The following PCDH15 variants were observed in gnomAD, a reference collection of about 807,000 sequenced individuals.
PCDH15 encodes the protein protocadherin-15.
In PCDH15, 129 loss-of-function variants were observed where a neutral mutation model predicts 178.5. The ratio of observed to expected loss-of-function variants is 0.72; its 90% CI spans 0.63 to 0.84. The LOEUF is 0.84. PCDH15 is among the 40% of genes least tolerant of loss of function. The pLI is 0.00. For missense variants in PCDH15, 2,230 were observed against 2,099.9 expected, an observed-to-expected ratio of 1.06 and a Z score of -1.21; for synonymous variants, 800 against 732.0, an observed-to-expected ratio of 1.09 and a Z score of -1.50.
intron 3 of PCDH15, among the ~76,000 whole-genome samples, chr10:54,390,281 AC>A (rs1950390504): frequency 1.2e-5 from 1 of 85,478 alleles, no homozygotes; most frequent in East Asian, 5.7e-4. Context: ...AATGACCTAT[AC>A]CTTTTGTTTT....
At chr10:54,277,806 T>C (rs1037644528) in intron 8 of PCDH15, among the ~76,000 whole-genome samples, 1 of 151,458 alleles carries the variant, frequency 6.6e-6, no homozygotes, top group Non-Finnish European at 1.5e-5. Context: ...AATTTGGAAG[T>C]AGAGGTGACC....
intron 2 of PCDH15, among the ~76,000 whole-genome samples, chr10:55,487,963 G>C (rs1589074504): frequency 1.3e-5 from 2 of 151,544 alleles, no homozygotes; most frequent in African/African-American, 2.4e-5. Flanking sequence ...ATTTTAGAGA[G>C]AGAATGGTTA....
At chr10:55,547,809 C>G (rs1427866810) in intron 2 of PCDH15, among the ~76,000 whole-genome samples, 1 of 151,404 alleles carries the variant, frequency 6.6e-6, no homozygotes, top group Non-Finnish European at 1.5e-5. Context: ...AAGCCAGTCA[C>G]CTTGTGTGTA....
chr10:54,432,924 T>C (rs946954338), intron 3 of PCDH15, among the ~76,000 whole-genome samples: 1 of 152,052 alleles, frequency 6.6e-6, no homozygotes, highest in Non-Finnish European at 1.5e-5. Context: ...CAAATAGACA[T>C]TTCTCAAAAG....
At chr10:55,149,669 A>G (rs76381524) in intron 2 of PCDH15, among the ~76,000 whole-genome samples, 2,926 of 143,578 alleles carry the variant, frequency 0.02, 168 homozygotes, top group Admixed American at 0.12. Flanking sequence ...AGTCGTTTTC[A>G]GGTTTTCACC....
Position 55,385,304 on chromosome 10 carries a change from G to A in PCDH15, c.-155-218653C>T, listed in dbSNP as rs112847140. Among the ~76,000 whole-genome samples, 412 of 152,206 alleles carry A rather than the reference G, an allele frequency of 2.7e-3. 2 individuals carry two copies. Among genetic ancestry groups the A allele is most frequent in the African/African-American group, 9.2e-3 (383 of 41,556 alleles). On this transcript the variant is annotated intron_variant, in intron 2 of 5. Coordinates refer to the PCDH15 transcript ENST00000613346. ...CAAGATAGTCACATGGAGAGGTCAC[G>A]TGGAAGGACAGATTACCAATGGAAA...
chr10:54,902,120 C>T (rs1026899394), intron 2 of PCDH15, among the ~76,000 whole-genome samples: 5 of 152,170 alleles, frequency 3.3e-5, no homozygotes, highest in African/African-American at 4.8e-5. Context: ...ATGACTGTCT[C>T]ATTTATATTC....
chr10:53,996,916 T>A (rs7475601), intron 20 of PCDH15, among the ~76,000 whole-genome samples: 3,448 of 152,232 alleles, frequency 0.023, 92 homozygotes, highest in African/African-American at 0.063. Context: ...AAATTCTACA[T>A]ATTCTTTGAT....
At chr10:54,597,060 A>C (rs1010196484) in intron 2 of PCDH15, among the ~76,000 whole-genome samples, 1 of 152,176 alleles carries the variant, frequency 6.6e-6, no homozygotes, top group Non-Finnish European at 1.5e-5. Flanking sequence ...ATTAACAAAA[A>C]TAATCAGAAC....
chr10:54,655,304 C>CAGAGAG (rs1213808096), intron 2 of PCDH15, among the ~76,000 whole-genome samples: 1,875 of 80,550 alleles, frequency 0.023, 39 homozygotes, highest in Non-Finnish European at 0.03. Context: ...GAGAGAGAGA[C>CAGAGAG]AGAGAGAGAG....
chr10:55,514,664 G>A (rs976473512), intron 2 of PCDH15, among the ~76,000 whole-genome samples: 6 of 152,278 alleles, frequency 3.9e-5, no homozygotes, highest in Non-Finnish European at 8.8e-5. Flanking sequence ...CTCTGAGCAC[G>A]TATTGTGTCC....
intron 2 of PCDH15, among the ~76,000 whole-genome samples, chr10:55,117,879 C>G (rs910704396): frequency 6.6e-6 from 1 of 152,060 alleles, no homozygotes; most frequent in Non-Finnish European, 1.5e-5. Context: ...TAAATTAGAT[C>G]TAAGCGGAAA....
chr10:54,343,949 AATG>A (rs199853337), intron 6 of PCDH15, among the ~76,000 whole-genome samples: 3,104 of 152,210 alleles, frequency 0.02, 98 homozygotes, highest in African/African-American at 0.063. Context: ...GCTTTATTGA[AATG>A]TTATTATTTT....
At chr10:55,051,858 G>A (rs781767422) in intron 2 of PCDH15, among the ~76,000 whole-genome samples, 27 of 152,248 alleles carry the variant, frequency 1.8e-4, no homozygotes, top group South Asian at 4.1e-4. Flanking sequence ...CACACAGCCA[G>A]AATACTTGGG....
intron 2 of PCDH15, among the ~76,000 whole-genome samples, chr10:55,144,267 TG>T (rs1838435741): frequency 1.4e-5 from 2 of 140,186 alleles, no homozygotes; most frequent in Non-Finnish European, 1.6e-5. Flanking sequence ...GTATTACGGC[TG>T]AGAAAAAAAA....
intron 2 of PCDH15, among the ~76,000 whole-genome samples, chr10:55,113,118 G>A (rs191882633): frequency 3.5e-4 from 54 of 152,242 alleles, no homozygotes; most frequent in Non-Finnish European, 6.5e-4. Context: ...CTCCAAAACT[G>A]TGAGAAATAA....
chr10:54,378,070 C>T (rs1036344165), intron 4 of PCDH15, among the ~76,000 whole-genome samples: 5 of 151,886 alleles, frequency 3.3e-5, no homozygotes, highest in South Asian at 2.1e-4. Context: ...ACTACAGGCA[C>T]GTGTTACCAT....
In PCDH15 at chr10:53,827,550, T is replaced by G; in HGVS notation, c.4212-2A>C. On this transcript the variant is annotated splice_acceptor_variant, in intron 31 of 37. Transcript: ENST00000644397. LOFTEE classifies it high-confidence loss of function. ...GTCTTTGTACACTCAGCTTGACGTC[T>G]TGGATAAAGTAAGGATGGCTTGTAA... The G allele has an allele frequency of 6.2e-7, 1 of 1,614,158 alleles. No homozygotes were observed. The highest frequency in any genetic ancestry group is 8.5e-7 in the Non-Finnish European group (1 of 1,179,966).
At chr10:53,830,163 G>A (rs1427885010) in intron 30 of PCDH15, among the ~76,000 whole-genome samples, 1 of 152,046 alleles carries the variant, frequency 6.6e-6, no homozygotes, top group African/African-American at 2.4e-5. Context: ...TTAGCCAGGT[G>A]TGGTGGCGCA....
Sources: allele counts gnomAD v4.1 joint callset (sites outside exome capture counted in the v4.1 genomes callset), GRCh38; gene constraint gnomAD v4.1.1; transcripts MANE v1.5; gene names NCBI Gene and HGNC (gene_info 2026-07-23, HGNC 2026-07-21).